SNTG1: variants seen among roughly 807,000 people sequenced by gnomAD.
SNTG1 encodes gamma-1-syntrophin.
A neutral mutation model predicts 74.7 loss-of-function variants in SNTG1; 39 were observed. The observed-to-expected ratio is 0.52, with a 90% CI of 0.40 to 0.68. The LOEUF is 0.68. Among genes scored for constraint, SNTG1 ranks in the 30% least tolerant of loss-of-function variants. SNTG1 has a pLI of 0.00. For missense variants in SNTG1, 685 were observed against 609.5 expected, an observed-to-expected ratio of 1.12 and a Z score of -1.30; for synonymous variants, 254 against 217.1, an observed-to-expected ratio of 1.17 and a Z score of -1.49.
chr8:50,456,865 G>C (rs2093511142), intron 8 of SNTG1, among the ~76,000 whole-genome samples: 1 of 152,106 alleles, frequency 6.6e-6, no homozygotes, highest in Non-Finnish European at 1.5e-5. Context: ...GGAGGAGAAA[G>C]CTGGCAGGGC....
chr8:50,496,735 G>A (rs2093907947), intron 8 of SNTG1, among the ~76,000 whole-genome samples: 1 of 151,832 alleles, frequency 6.6e-6, no homozygotes, highest in South Asian at 2.1e-4. Flanking sequence ...CAACCCTCTT[G>A]CTTGGGTACT....
intron 1 of SNTG1, among the ~76,000 whole-genome samples, chr8:49,989,762 A>T (rs1367275104): frequency 2.0e-5 from 3 of 151,900 alleles, no homozygotes; most frequent in African/African-American, 7.2e-5. Context: ...AACATGTTTG[A>T]TTTATCTCAT....
intron 11 of SNTG1, among the ~76,000 whole-genome samples, chr8:50,538,525 A>G (rs1325776933): frequency 5.9e-5 from 9 of 152,294 alleles, no homozygotes; most frequent in Admixed American, 4.6e-4. Context: ...TATGTTAGGC[A>G]TTAATGTCTA....
At chr8:50,530,000 C>T (rs927287176) in intron 9 of SNTG1, among the ~76,000 whole-genome samples, 177 bp from the exon 10 acceptor site, 3 of 152,018 alleles carry the variant, frequency 2.0e-5, no homozygotes, top group Non-Finnish European at 4.4e-5. Flanking sequence ...GCCCAGATAC[C>T]TGTAGTCACT....
At chr8:50,483,700 C>T (rs949413193) in intron 8 of SNTG1, among the ~76,000 whole-genome samples, 1 of 152,184 alleles carries the variant, frequency 6.6e-6, no homozygotes, top group African/African-American at 2.4e-5. Flanking sequence ...TTCTTAGTTA[C>T]ATGTTGTGCA....
chr8:50,130,406 C>T (rs948188469), intron 1 of SNTG1, among the ~76,000 whole-genome samples: 10 of 151,568 alleles, frequency 6.6e-5, no homozygotes, highest in Admixed American at 2.6e-4. Flanking sequence ...AAGAGAAATA[C>T]GAAGAAATGT....
At chr8:50,024,205 G>C (rs1414500656) in intron 1 of SNTG1, among the ~76,000 whole-genome samples, 3 of 152,030 alleles carry the variant, frequency 2.0e-5, no homozygotes, top group African/African-American at 7.3e-5. Flanking sequence ...ACCTTATCAT[G>C]GAATCAGTTT....
chr8:50,390,948 T>A (rs1284114552), intron 2 of SNTG1, among the ~76,000 whole-genome samples: 1 of 151,952 alleles, frequency 6.6e-6, no homozygotes, highest in Non-Finnish European at 1.5e-5. Flanking sequence ...TAAAGTTGCT[T>A]ATCAGCTTCA....
intron 2 of SNTG1, among the ~76,000 whole-genome samples, chr8:50,257,033 T>A (rs34649719): frequency 0.56 from 85,581 of 151,684 alleles, 27,875 homozygotes; most frequent in East Asian, 0.83. Context: ...TCTTAGGAGT[T>A]CAGTTTAAAC....
intron 2 of SNTG1, among the ~76,000 whole-genome samples, chr8:50,384,984 G>A (rs898681344): frequency 1.1e-4 from 17 of 152,226 alleles, no homozygotes; most frequent in African/African-American, 4.1e-4. Context: ...GCCAATAGCA[G>A]AAAAAGAGCT....
chr8:50,403,181 C>T (rs2131358329), intron 4 of SNTG1, among the ~76,000 whole-genome samples: 1 of 152,278 alleles, frequency 6.6e-6, no homozygotes, highest in Non-Finnish European at 1.5e-5. Context: ...CAAACATCTG[C>T]AACTATTTAG....
At chr8:50,197,700 T>C (rs2083830816) in intron 2 of SNTG1, among the ~76,000 whole-genome samples, 1 of 152,168 alleles carries the variant, frequency 6.6e-6, no homozygotes. Flanking sequence ...TATTCTACTT[T>C]ATCATTTTAC....
chr8:50,347,155 CA>C (rs2130973728), intron 2 of SNTG1, among the ~76,000 whole-genome samples: 1 of 152,308 alleles, frequency 6.6e-6, no homozygotes, highest in Admixed American at 6.5e-5. Context: ...TTCAAAGCTT[CA>C]AAAGACACAG....
chr8:50,009,852 C>T (rs938414787), intron 1 of SNTG1, among the ~76,000 whole-genome samples: 1 of 151,996 alleles, frequency 6.6e-6, no homozygotes, highest in Admixed American at 6.6e-5. Flanking sequence ...ACAGAAAATT[C>T]TCTGGGCACG....
intron 2 of SNTG1, among the ~76,000 whole-genome samples, chr8:50,276,158 G>C (rs925874972): frequency 3.3e-5 from 5 of 152,050 alleles, no homozygotes; most frequent in African/African-American, 1.2e-4. Flanking sequence ...GCTGTGATTT[G>C]CCACAGTACA....
At chr8:50,105,607 C>A (rs1331535473) in intron 1 of SNTG1, among the ~76,000 whole-genome samples, 1 of 151,870 alleles carries the variant, frequency 6.6e-6, no homozygotes, top group African/African-American at 2.4e-5. Flanking sequence ...AGTATTTAAT[C>A]TGTAAATTGC....
At chr8:50,557,697 T>C (rs1022434010) in intron 12 of SNTG1, among the ~76,000 whole-genome samples, 1 of 152,224 alleles carries the variant, frequency 6.6e-6, no homozygotes, top group African/African-American at 2.4e-5. Context: ...TCAAGATCTT[T>C]AACTGAAGTA....
At chr8:50,515,461 C>T (rs1472070561) in intron 9 of SNTG1, among the ~76,000 whole-genome samples, 1 of 137,030 alleles carries the variant, frequency 7.3e-6, no homozygotes, top group East Asian at 2.5e-4. Flanking sequence ...GAACCATTCA[C>T]TCCCCTGGAA....
intron 1 of SNTG1, among the ~76,000 whole-genome samples, chr8:49,934,350 A>G (rs1807868883): frequency 1.3e-5 from 2 of 151,942 alleles, no homozygotes; most frequent in Non-Finnish European, 2.9e-5. Flanking sequence ...CAACCCACCT[A>G]TCTACCTATC....
Sources: gnomAD v4.1 joint callset for allele counts (sites outside exome capture counted in the v4.1 genomes callset) on GRCh38, gnomAD v4.1.1 for gene constraint, MANE v1.5 for transcripts, NCBI Gene and HGNC (gene_info 2026-07-23, HGNC 2026-07-21) for gene names.